Variants in ANKRD13A observed in about 807,000 individuals in gnomAD.
The protein encoded by ANKRD13A is ankyrin repeat domain 13A, also known as ankyrin repeat domain-containing protein 13A.
A neutral mutation model predicts 81.3 loss-of-function variants in ANKRD13A; 48 were observed. The observed-to-expected ratio is 0.59, with a 90% confidence interval of 0.47 to 0.75. ANKRD13A has a LOEUF of 0.75. Among genes scored for constraint, ANKRD13A ranks in the 30% least tolerant of loss-of-function variants. The pLI is 0.00. For missense variants in ANKRD13A, 612 were observed against 734.0 expected, an observed-to-expected ratio of 0.83 and a Z score of 1.92; for synonymous variants, 230 against 270.1, an observed-to-expected ratio of 0.85 and a Z score of 1.45.
intron 7 of ANKRD13A, among the ~76,000 whole-genome samples, chr12:110,025,050 T>C (rs1891247029): frequency 6.6e-6 from 1 of 152,218 alleles, no homozygotes; most frequent in African/African-American, 2.4e-5. Flanking sequence ...TGAGTCATAC[T>C]AGTATTACAA....
chr12:110,027,649 T>C (rs1891417308), intron 8 of ANKRD13A, 56 bp from the exon 9 acceptor site: 2 of 1,552,006 alleles, frequency 1.3e-6, no homozygotes, highest in Non-Finnish European at 1.8e-6. Context: ...AGATCTTTTT[T>C]TTATAGCCAC....
intron 13 of ANKRD13A, among the ~76,000 whole-genome samples, chr12:110,035,999 G>C (rs1225609797): frequency 6.6e-6 from 1 of 152,172 alleles, no homozygotes; most frequent in African/African-American, 2.4e-5. Context: ...TATCTTCCAC[G>C]TGGGTTAGCT....
rs1423274346 is a variant in ANKRD13A, at chr12:110,038,374, G to A, written c.*820G>A. 1 of 152,630 alleles carries A rather than the reference G, an allele frequency of 6.6e-6. No individual in the cohort carries two copies. The allele number at this position is 152,630 out of a possible 1,614,324, so 9.5% of individuals were successfully genotyped here. ...TGAAGGAGCAGCTAGGGGAACCTGA[G>A]GCTTGTTCTTGAAGTGGGCAAGCTG... On this transcript the variant is annotated 3_prime_UTR_variant, in exon 15 of 15. Coordinates refer to ENST00000261739, the MANE Select transcript of ANKRD13A (RefSeq NM_033121.2).
At chr12:110,011,824 A>G (rs906437973) in intron 1 of ANKRD13A, among the ~76,000 whole-genome samples, 181 bp from the exon 2 acceptor site, 2 of 152,242 alleles carry the variant, frequency 1.3e-5, no homozygotes, top group Non-Finnish European at 2.9e-5. Context: ...TCACCTTCAT[A>G]TATAATCCCC....
chr12:110,002,026 C>T (rs951210189), intron 1 of ANKRD13A, among the ~76,000 whole-genome samples: 8 of 151,936 alleles, frequency 5.3e-5, no homozygotes, highest in Admixed American at 4.6e-4. Context: ...GTGATCTGCC[C>T]GCCTCAGCCT....
In ANKRD13A at chr12:110,028,598, CAG is replaced by C; in HGVS notation, c.1033_1034del (p.Arg345GlyfsTer11). ...TCAATGAAGAGTTTGATCTGAAAGA[CAG>C]GGACATTGGAAGGCCGAAAGAGCTG... ...YFNEEFDLKD[R>X]DIGRPKELTI... On this transcript the variant is annotated frameshift_variant, in exon 10 of 15. Coordinates refer to ENST00000261739, the MANE Select transcript of ANKRD13A (RefSeq NM_033121.2). LOFTEE classifies it high-confidence loss of function. 3 of 1,614,186 alleles carry C rather than the reference CAG, an allele frequency of 1.9e-6. No individual in the cohort carries two copies. The highest frequency in any genetic ancestry group is 2.5e-6 in the Non-Finnish European group (3 of 1,180,028).
chr12:110,017,033 C>G (rs1166444597), intron 4 of ANKRD13A, among the ~76,000 whole-genome samples: 1 of 152,126 alleles, frequency 6.6e-6, no homozygotes. Flanking sequence ...CCTAGCCCCC[C>G]AAAGTGCTGG....
At chr12:110,013,385 C>T (rs1330405615) in intron 3 of ANKRD13A, 136 bp downstream of exon 3, 2 of 1,090,164 alleles carry the variant, frequency 1.8e-6, no homozygotes, top group Non-Finnish European at 2.6e-6. Context: ...ATACCAATCA[C>T]ATTATTCCTT....
At chr12:110,028,916 T>C (rs1891512553) in intron 10 of ANKRD13A, 1 of 319,764 alleles carries the variant, frequency 3.1e-6, no homozygotes, top group Non-Finnish European at 6.0e-6. Context: ...TTTTGTATTT[T>C]TAGTAGAGAT....
intron 8 of ANKRD13A, among the ~76,000 whole-genome samples, chr12:110,026,872 ACT>A: frequency 6.6e-6 from 1 of 152,036 alleles, no homozygotes; most frequent in African/African-American, 2.4e-5. Flanking sequence ...ACAGAGCTAG[ACT>A]CTGTCTCAAA....
intron 1 of ANKRD13A, among the ~76,000 whole-genome samples, chr12:110,008,686 A>G (rs527346694): frequency 6.6e-6 from 1 of 152,314 alleles, no homozygotes; most frequent in South Asian, 2.1e-4. Context: ...GGAGTTCAAG[A>G]CCAGCCTGGC....
intron 6 of ANKRD13A, chr12:110,023,770 A>G: frequency 3.0e-6 from 1 of 337,368 alleles, no homozygotes. Context: ...AAATGTCACC[A>G]CCTTTGTCCT....
At chr12:110,024,730 G>A (rs930815915) in intron 7 of ANKRD13A, among the ~76,000 whole-genome samples, 1 of 152,150 alleles carries the variant, frequency 6.6e-6, no homozygotes, top group Non-Finnish European at 1.5e-5. Context: ...AAAGGCTTAC[G>A]TCATGCTCAG....
chr12:110,013,613 A>T (rs1253589909), intron 3 of ANKRD13A, among the ~76,000 whole-genome samples: 2 of 150,634 alleles, frequency 1.3e-5, no homozygotes, highest in Non-Finnish European at 3.0e-5. Context: ...CTCTGTCTCT[A>T]AAAAAAAATT....
chr12:110,029,493 G>A lies in ANKRD13A; in HGVS notation c.1092G>A (p.Leu364=), dbSNP rs1443121457. 1.2e-6 allele frequency: 2 copies of A among 1,613,290 alleles called. No individual in the cohort carries two copies. The highest frequency in any genetic ancestry group is 1.7e-5 in the Admixed American group (1 of 60,006). The change falls in exon 11 of 15, where the codon TTG becomes TTA. Residue 364 remains leucine (L), a synonymous_variant. Transcript: ENST00000261739. ...AATTCTGCAGGTTTAAAGCAATGTT[G>A]TGGATGTGTGAAGAGTTTCCCCTCT... The part of the protein sequence containing the change: ...TIRTQKFKAM[L]WMCEEFPLSL...
rs887661213 is a variant in ANKRD13A at position 110,037,923 on chromosome 12, G to C, written c.*369G>C. 1.2e-5 allele frequency: 2 copies of C among 168,332 alleles called. No homozygotes were observed. The highest frequency in any genetic ancestry group is 4.8e-5 in the African/African-American group (2 of 41,876). 10.4% of individuals were successfully genotyped at this position (168,332 alleles called of 1,614,324 possible). A position where few individuals can be genotyped will look rare whatever the true frequency, so the allele number is the denominator to read the frequency against. ...AGTGATAACAAGACAAGTTATTGCA[G>C]AGTCAGGGTGCTTTTATATATAAGA... On this transcript the variant is annotated 3_prime_UTR_variant, in exon 15 of 15. Transcript: ENST00000261739.
chr12:110,036,469 GC>G lies in ANKRD13A; in HGVS notation c.1577+143del. 1.1e-6 allele frequency: 1 copy of G among 924,040 alleles called. No individual in the cohort carries two copies. Among genetic ancestry groups the G allele is most frequent in the Non-Finnish European group, 1.7e-6 (1 of 575,388 alleles). 57.2% of individuals were successfully genotyped at this position (924,040 alleles called of 1,614,324 possible). On this transcript the variant is annotated intron_variant, in intron 14 of 14. Coordinates refer to ENST00000261739, the MANE Select transcript of ANKRD13A (RefSeq NM_033121.2). This position sits in a 1 kb window ranked among gnomAD's most constrained non-coding sequence, Gnocchi z 4.6. ...TGGCAGGAAAGACTAGAAAAAGTAG[GC>G]CAGGAGCGGTGGCTCACGCCTATAA...
intron 1 of ANKRD13A, among the ~76,000 whole-genome samples, chr12:110,005,342 C>A (rs775912952): frequency 3.9e-5 from 6 of 152,028 alleles, no homozygotes; most frequent in Non-Finnish European, 5.9e-5. Context: ...AAAATGTGTC[C>A]CTATGTTGCC....
intron 1 of ANKRD13A, among the ~76,000 whole-genome samples, chr12:110,009,273 G>T (rs1436871355): frequency 1.3e-5 from 2 of 152,018 alleles, no homozygotes; most frequent in Non-Finnish European, 2.9e-5. Flanking sequence ...TAGAGACGGG[G>T]TTTCTCCATG....
Sources: allele counts gnomAD v4.1 joint callset (sites outside exome capture counted in the v4.1 genomes callset), GRCh38; gene constraint gnomAD v4.1.1; non-coding constraint Gnocchi (gnomAD v3.1); transcripts MANE v1.5; gene names NCBI Gene and HGNC (gene_info 2026-07-23, HGNC 2026-07-21).